Variants in ABI3BP observed in about 807,000 individuals in gnomAD.
ABI3BP encodes the protein ABI family member 3 binding protein.
Under a neutral mutation model 268.6 loss-of-function variants are expected in ABI3BP, and 216 were observed. That is an observed-to-expected ratio of 0.80 (90% confidence interval 0.72 to 0.90). The LOEUF (loss-of-function observed/expected upper bound fraction) is 0.90. Ranked by LOEUF, ABI3BP falls within the 40% of genes least tolerant of loss-of-function variation. ABI3BP has a pLI of 0.00. For synonymous variants in ABI3BP, 730 were observed against 730.0 expected (o/e 1.00, Z 0.00); for missense variants, 2,090 against 2,182.4 (o/e 0.96, Z 0.84).
intron 49 of ABI3BP, among the ~76,000 whole-genome samples, chr3:100,809,680 A>C (rs2097799555): frequency 6.6e-6 from 1 of 152,096 alleles, no homozygotes; most frequent in Non-Finnish European, 1.5e-5. Flanking sequence ...TTGGAAACAG[A>C]GTCATATAAA....
chr3:100,954,778 G>A (rs540761535), intron 1 of ABI3BP, among the ~76,000 whole-genome samples: 1 of 152,060 alleles, frequency 6.6e-6, no homozygotes, highest in East Asian at 1.9e-4. Context: ...CTAATGGGGT[G>A]GTGAACCCTT....
At chr3:100,837,541 G>A (rs1018347498) in intron 26 of ABI3BP, among the ~76,000 whole-genome samples, 3 of 152,134 alleles carry the variant, frequency 2.0e-5, no homozygotes, top group Non-Finnish European at 4.4e-5. Flanking sequence ...ATCACCTGAG[G>A]TCAGGAGTTC....
At chr3:100,985,966 A>G (rs565248552) in intron 1 of ABI3BP, among the ~76,000 whole-genome samples, 1 of 152,322 alleles carries the variant, frequency 6.6e-6, no homozygotes, top group East Asian at 1.9e-4. Flanking sequence ...ATAGACTCTT[A>G]CATAATCTGA....
At chr3:100,861,480 A>G (rs1254955530) in intron 14 of ABI3BP, among the ~76,000 whole-genome samples, 5 of 152,220 alleles carry the variant, frequency 3.3e-5, no homozygotes, top group Admixed American at 3.3e-4. Context: ...AAGATTTACA[A>G]AAATTAAAAT....
intron 3 of ABI3BP, 129 bp downstream of exon 3, chr3:100,902,489 C>T: frequency 1.3e-6 from 1 of 762,784 alleles, no homozygotes; most frequent in East Asian, 2.7e-5. Context: ...AAACTGTGGA[C>T]CCAGGGCTGA....
intron 4 of ABI3BP, among the ~76,000 whole-genome samples, chr3:100,894,763 CCCCA>C (rs1371938053): frequency 1.3e-5 from 2 of 151,410 alleles, no homozygotes; most frequent in Non-Finnish European, 2.9e-5. Flanking sequence ...CACGGTGAAA[CCCCA>C]CCTGTACTAA....
intron 19 of ABI3BP, among the ~76,000 whole-genome samples, chr3:100,847,292 A>C (rs1580299113): frequency 6.6e-6 from 1 of 152,300 alleles, no homozygotes; most frequent in East Asian, 1.9e-4. Context: ...CTAAAAAATA[A>C]AAAAAAGAGA....
chr3:100,804,918 C>T (rs989221924), intron 50 of ABI3BP, 52 bp from the exon 51 acceptor site: 1 of 1,443,804 alleles, frequency 6.9e-7, no homozygotes, highest in Non-Finnish European at 9.7e-7. Context: ...ATCTTCCAGT[C>T]ATGCTTAAAA....
intron 4 of ABI3BP, among the ~76,000 whole-genome samples, chr3:100,893,695 A>G (rs1350993436): frequency 1.3e-5 from 2 of 152,160 alleles, no homozygotes; most frequent in Non-Finnish European, 2.9e-5. Flanking sequence ...GGAAATTAAA[A>G]GAGACTGAAA....
At chr3:100,980,445 G>C (rs1362322476) in intron 1 of ABI3BP, among the ~76,000 whole-genome samples, 3 of 152,138 alleles carry the variant, frequency 2.0e-5, no homozygotes, top group Admixed American at 2.0e-4. Context: ...GATTTGGAAA[G>C]CTCACTGAAA....
chr3:100,870,630 G>A (rs2099099886), intron 9 of ABI3BP, among the ~76,000 whole-genome samples: 1 of 152,108 alleles, frequency 6.6e-6, no homozygotes, highest in Admixed American at 6.6e-5. Flanking sequence ...TATAGAAAAT[G>A]GTATGGAGTT....
At chr3:100,859,312 G>A (rs1366953764) in intron 14 of ABI3BP, among the ~76,000 whole-genome samples, 1 of 151,974 alleles carries the variant, frequency 6.6e-6, no homozygotes, top group Non-Finnish European at 1.5e-5. Context: ...ATATTAGGTT[G>A]GTGCAAATGT....
intron 51 of ABI3BP, among the ~76,000 whole-genome samples, chr3:100,801,499 C>A (rs185309558): frequency 6.7e-6 from 1 of 149,208 alleles, no homozygotes; most frequent in Non-Finnish European, 1.5e-5. Context: ...ACATCAATGG[C>A]ATATATAAGC....
In ABI3BP at chr3:100,751,549, T is replaced by C. The variant is rs1453293003; in HGVS notation, c.5245+3A>G. On this transcript the variant is annotated splice_donor_region_variant and intron_variant, in intron 67 of 67. Transcript: ENST00000471714. ...TTCTTATGAGGAGGATCAGAAAACA[T>C]ACCTTCTTTGATTGGTAACTGGTCA... The C allele has an allele frequency of 5.0e-6, 8 of 1,584,288 alleles. No homozygotes were observed. Among genetic ancestry groups the C allele is most frequent in the Non-Finnish European group, 6.9e-6 (8 of 1,164,054 alleles).
chr3:100,751,060 A>C (rs2095291559), intron 67 of ABI3BP, among the ~76,000 whole-genome samples: 2 of 152,180 alleles, frequency 1.3e-5, no homozygotes, highest in African/African-American at 4.8e-5. Context: ...TTTCAGTCTT[A>C]TTCAGTCCTC....
At chr3:100,753,998 C>A in intron 64 of ABI3BP, 150 bp from the exon 65 acceptor site, 1 of 847,708 alleles carries the variant, frequency 1.2e-6, no homozygotes. Context: ...TGAAAGTTTG[C>A]TTTGTTTTGG....
intron 63 of ABI3BP, among the ~76,000 whole-genome samples, chr3:100,764,083 T>C (rs2096131883): frequency 6.6e-6 from 1 of 152,148 alleles, no homozygotes; most frequent in South Asian, 2.1e-4. Context: ...AAATAGCCTA[T>C]TTTTCACTGC....
chr3:100,897,390 A>T (rs2153472744), intron 4 of ABI3BP, among the ~76,000 whole-genome samples: 1 of 150,700 alleles, frequency 6.6e-6, no homozygotes, highest in Admixed American at 6.6e-5. Context: ...TACAGTCTGT[A>T]TTCATATACA....
At chr3:100,843,144 C>A (rs770648549) in intron 20 of ABI3BP, among the ~76,000 whole-genome samples, 2 of 152,064 alleles carry the variant, frequency 1.3e-5, no homozygotes, top group Non-Finnish European at 2.9e-5. Flanking sequence ...ATTTTTATTT[C>A]TTCTAAAAGC....
Sources: allele counts gnomAD v4.1 joint callset (sites outside exome capture counted in the v4.1 genomes callset), GRCh38; gene constraint gnomAD v4.1.1; transcripts MANE v1.5; gene names NCBI Gene and HGNC (gene_info 2026-07-23, HGNC 2026-07-21).